The following PDE4B variants were observed in gnomAD, a reference collection of about 807,000 sequenced individuals.
The protein encoded by PDE4B is phosphodiesterase 4B.
Under a neutral mutation model 82.2 loss-of-function variants are expected in PDE4B, and 20 were observed. The observed-to-expected ratio is 0.24, with a 90% CI of 0.17 to 0.35. The LOEUF (loss-of-function observed/expected upper bound fraction) is 0.35, where lower values mean the gene tolerates loss of function less well. PDE4B is among the 10% of genes least tolerant of loss of function. PDE4B has a pLI of 1.00. For missense variants in PDE4B, 655 were observed against 907.2 expected, an observed-to-expected ratio of 0.72 and a Z score of 3.57; for synonymous variants, 320 against 318.9, an observed-to-expected ratio of 1.00 and a Z score of -0.04.
intron 7 of PDE4B, among the ~76,000 whole-genome samples, chr1:66,269,408 A>G (rs948371714): frequency 6.6e-6 from 1 of 152,218 alleles, no homozygotes; most frequent in East Asian, 1.9e-4. Flanking sequence ...GAAAATGCCA[A>G]TGTTGTAGTT....
chr1:66,291,265 G>A (rs1276869297), intron 7 of PDE4B, among the ~76,000 whole-genome samples: 1 of 152,060 alleles, frequency 6.6e-6, no homozygotes, highest in East Asian at 1.9e-4. Context: ...GAGCTTTAGG[G>A]AGGTTAAATA....
At chr1:66,131,431 G>T (rs10157372) in intron 3 of PDE4B, among the ~76,000 whole-genome samples, 1 of 150,158 alleles carries the variant, frequency 6.7e-6, no homozygotes, top group South Asian at 2.1e-4. Context: ...TTTAAAGAAC[G>T]TATTAATGAC....
intron 3 of PDE4B, among the ~76,000 whole-genome samples, chr1:66,213,403 G>C (rs1040292734): frequency 6.6e-6 from 1 of 152,064 alleles, no homozygotes; most frequent in Non-Finnish European, 1.5e-5. Flanking sequence ...TTGGTGCCCA[G>C]ACCTGATATC....
chr1:66,349,878 T>G (rs928344660), intron 8 of PDE4B, among the ~76,000 whole-genome samples: 3 of 152,172 alleles, frequency 2.0e-5, no homozygotes, highest in Non-Finnish European at 4.4e-5. Context: ...TGGGTCTTCA[T>G]TTCTTCCCAT....
chr1:66,360,774 C>A (rs1662697163), intron 9 of PDE4B: 2 of 152,124 alleles, frequency 1.3e-5, no homozygotes, highest in African/African-American at 4.8e-5. Context: ...AAGGAAAGAG[C>A]TTCTATAAGC....
chr1:65,873,564 A>G (rs1205412945), intron 1 of PDE4B, among the ~76,000 whole-genome samples: 1 of 152,218 alleles, frequency 6.6e-6, no homozygotes, highest in Non-Finnish European at 1.5e-5. Flanking sequence ...CAATGCAGTT[A>G]TTACAATAAT....
Position 66,292,445 on chromosome 1 carries a change from A to G in PDE4B, c.634+26358A>G, listed in dbSNP as rs77140731. Among the ~76,000 whole-genome samples the G allele has an allele frequency of 4.9e-3, 754 of 152,350 alleles. 6 individuals carry two copies. Among genetic ancestry groups the G allele is most frequent in the African/African-American group, 0.017 (720 of 41,588 alleles). ...TACTTTTGCCTTTGAAGGCCAAGTC[A>G]TTATCTGGAGACAGATAACAATGGA... On this transcript the variant is annotated intron_variant, in intron 7 of 16. Coordinates refer to ENST00000341517, the MANE Select transcript of PDE4B (RefSeq NM_002600.4).
chr1:66,072,399 T>G (rs1656199008), intron 3 of PDE4B, among the ~76,000 whole-genome samples: 3 of 152,158 alleles, frequency 2.0e-5, no homozygotes. Flanking sequence ...GTTGCTAACA[T>G]TTTTTCAAAT....
intron 6 of PDE4B, among the ~76,000 whole-genome samples, chr1:66,263,704 G>A (rs1257752980): frequency 1.3e-5 from 2 of 152,176 alleles, no homozygotes; most frequent in South Asian, 2.1e-4. Flanking sequence ...CACCATGAGA[G>A]ATTAAAGAGA....
Position 66,088,439 on chromosome 1 carries a change from T to C in PDE4B, c.282-159021T>C, listed in dbSNP as rs149845586. ...GATTTGGGAGCATGGGGACTAATTATTGGTCTGCCTGAATCATGAATTCAC... is the reference window on the plus strand; with the variant it reads ...GATTTGGGAGCATGGGGACTAATTACTGGTCTGCCTGAATCATGAATTCAC... On this transcript the variant is annotated intron_variant, in intron 3 of 16. Transcript: ENST00000341517. Among the ~76,000 whole-genome samples the C allele has an allele frequency of 1.5e-3, 233 of 152,202 alleles. 2 individuals carry two copies. The highest frequency in any genetic ancestry group is 0.014 in the Middle Eastern group (4 of 294).
chr1:66,360,005 T>C (rs1662622917), intron 9 of PDE4B, among the ~76,000 whole-genome samples: 1 of 152,082 alleles, frequency 6.6e-6, no homozygotes, highest in South Asian at 2.1e-4. Flanking sequence ...AATGAGAGTG[T>C]GGGATTGTTA....
At chr1:65,847,354 G>A (rs1646278758) in intron 1 of PDE4B, among the ~76,000 whole-genome samples, 1 of 152,182 alleles carries the variant, frequency 6.6e-6, no homozygotes, top group Non-Finnish European at 1.5e-5. Flanking sequence ...ATATTGTTCA[G>A]GCAGTCTGAA....
chr1:65,844,538 TA>T (rs1251801303), intron 1 of PDE4B, among the ~76,000 whole-genome samples: 1 of 152,194 alleles, frequency 6.6e-6, no homozygotes. Context: ...CTTACTGCCT[TA>T]TTTTGTGTTG....
intron 3 of PDE4B, chr1:66,152,586 ATATGTG>A: frequency 4.2e-6 from 1 of 235,876 alleles, no homozygotes; most frequent in African/African-American, 2.4e-5. Context: ...GTGTGCATAT[ATATGTG>A]TGTGTGTGTG....
At chr1:66,002,549 G>T (rs1199372251) in intron 3 of PDE4B, among the ~76,000 whole-genome samples, 1 of 151,704 alleles carries the variant, frequency 6.6e-6, no homozygotes, top group Non-Finnish European at 1.5e-5. Flanking sequence ...CAAGAAGGAA[G>T]TTTTTTTAAA....
chr1:65,893,832 A>G (rs1324015253), intron 1 of PDE4B, among the ~76,000 whole-genome samples: 1 of 152,102 alleles, frequency 6.6e-6, no homozygotes, highest in Non-Finnish European at 1.5e-5. Flanking sequence ...GAATGAAATA[A>G]TGTGTTTTGC....
At chr1:65,853,762 T>G (rs183966710) in intron 1 of PDE4B, among the ~76,000 whole-genome samples, 19 of 152,212 alleles carry the variant, frequency 1.2e-4, no homozygotes, top group African/African-American at 4.6e-4. Context: ...TCTCTTGACC[T>G]CGTGATCCGC....
At chr1:66,366,984 T>C (rs1663301848) in intron 13 of PDE4B, among the ~76,000 whole-genome samples, 1 of 152,222 alleles carries the variant, frequency 6.6e-6, no homozygotes, top group Non-Finnish European at 1.5e-5. Context: ...TTCATAAGTC[T>C]GATGACCATA....
rs1056019987 is a variant in PDE4B, at chr1:65,793,168, C to A, written c.-151C>A. 2.6e-5 allele frequency: 4 copies of A among 152,204 alleles called. No individual in the cohort carries two copies. The highest frequency in any genetic ancestry group is 2.6e-4 in the Admixed American group (4 of 15,286). The allele number at this position is 152,204 out of a possible 1,614,324, so 9.4% of individuals were successfully genotyped here. Reference sequence around the variant, plus strand: ...CTACCCGCGCCGGGCGGAGCCCCGGCGTCCAGAGCGCTGCGGCCGCGGCGG... The same window carrying A: ...CTACCCGCGCCGGGCGGAGCCCCGGAGTCCAGAGCGCTGCGGCCGCGGCGG... On this transcript the variant is annotated 5_prime_UTR_variant, in exon 1 of 17. Coordinates refer to ENST00000341517, the MANE Select transcript of PDE4B (RefSeq NM_002600.4).
Sources: allele counts gnomAD v4.1 joint callset (sites outside exome capture counted in the v4.1 genomes callset), GRCh38; gene constraint gnomAD v4.1.1; transcripts MANE v1.5; gene names NCBI Gene and HGNC (gene_info 2026-07-23, HGNC 2026-07-21).